CDCA2: variants seen among roughly 807,000 people sequenced by gnomAD.
CDCA2 encodes cell division cycle-associated protein 2.
In CDCA2, 44 loss-of-function variants were observed where a neutral mutation model predicts 67.0. The observed-to-expected ratio is 0.66, with a 90% confidence interval of 0.52 to 0.84. The LOEUF is 0.84. Among genes scored for constraint, CDCA2 ranks in the 40% least tolerant of loss-of-function variants. CDCA2 has a pLI of 0.00. For missense variants in CDCA2, 1,253 were observed against 1,203.2 expected, an observed-to-expected ratio of 1.04 and a Z score of -0.61; for synonymous variants, 447 against 418.7, an observed-to-expected ratio of 1.07 and a Z score of -0.82.
At chr8:25,475,300 C>T (rs1406089791) in intron 7 of CDCA2, among the ~76,000 whole-genome samples, 1 of 152,130 alleles carries the variant, frequency 6.6e-6, no homozygotes, top group Non-Finnish European at 1.5e-5. Flanking sequence ...GCAGGCAGAT[C>T]ACAAGGTCAG....
At chr8:25,498,427 C>G (rs1199339224) in intron 13 of CDCA2, among the ~76,000 whole-genome samples, 3 of 147,198 alleles carry the variant, frequency 2.0e-5, no homozygotes, top group Admixed American at 6.9e-5. Flanking sequence ...TGGCTGGTCT[C>G]AAACCCCTGT....
rs566071546 is a variant in CDCA2, at chr8:25,466,053, A to T, written c.388-122A>T. ...AGAAGCTCTGCCACACTAACTCCTTACCGCTGATCTTCAAAAAGCATATGT... is the reference window on the plus strand; with the variant it reads ...AGAAGCTCTGCCACACTAACTCCTTTCCGCTGATCTTCAAAAAGCATATGT... On this transcript the variant is annotated intron_variant, in intron 4 of 14. Transcript: ENST00000330560. 31 of 793,262 alleles carry T rather than the reference A, an allele frequency of 3.9e-5. No individual in the cohort carries two copies. The South Asian group carries it at 6.9e-4, about 18-fold the overall frequency. 49.1% of individuals were successfully genotyped at this position (793,262 alleles called of 1,614,324 possible).
chr8:25,489,574 A>G (rs1434702813), intron 13 of CDCA2, among the ~76,000 whole-genome samples: 28 of 152,122 alleles, frequency 1.8e-4, no homozygotes, highest in Non-Finnish European at 4.0e-4. Flanking sequence ...GGATAGTACT[A>G]CTACACATTC....
intron 7 of CDCA2, chr8:25,472,260 T>TC (rs1803186442): frequency 6.6e-6 from 1 of 151,458 alleles, no homozygotes; most frequent in African/African-American, 2.4e-5. Context: ...TTTATTTATT[T>TC]TTTTTTTTTG....
At chr8:25,480,205 A>G (rs1803515746) in intron 8 of CDCA2, 81 bp downstream of exon 8, 2 of 1,130,066 alleles carry the variant, frequency 1.8e-6, no homozygotes, top group South Asian at 3.0e-5. Context: ...AATGTCATAT[A>G]TCATGCTAGT....
At chr8:25,470,096 T>C (rs2117490763) in intron 7 of CDCA2, 116 bp downstream of exon 7, 1 of 637,574 alleles carries the variant, frequency 1.6e-6, no homozygotes, top group South Asian at 2.2e-5. Flanking sequence ...TTTTAGGAGC[T>C]CATGGCCTAG....
intron 13 of CDCA2, among the ~76,000 whole-genome samples, chr8:25,496,775 A>C (rs1447412976): frequency 6.6e-6 from 1 of 152,180 alleles, no homozygotes; most frequent in African/African-American, 2.4e-5. Flanking sequence ...ATATGGAGAA[A>C]AGGGAATCCT....
intron 8 of CDCA2, among the ~76,000 whole-genome samples, chr8:25,482,303 A>G (rs1377032078): frequency 6.6e-6 from 1 of 152,234 alleles, no homozygotes; most frequent in Non-Finnish European, 1.5e-5. Context: ...CCATGTTTAA[A>G]AGACAGAACA....
chr8:25,468,506 A>G, intron 6 of CDCA2, 93 bp downstream of exon 6: 1 of 909,748 alleles, frequency 1.1e-6, no homozygotes. Flanking sequence ...CAATTTTAGT[A>G]CCTTGTTCTG....
intron 7 of CDCA2, among the ~76,000 whole-genome samples, chr8:25,477,795 A>G (rs569831370): frequency 5.4e-4 from 83 of 152,300 alleles, no homozygotes; most frequent in African/African-American, 1.8e-3. Flanking sequence ...ACATAGTCAA[A>G]TAGGTCTTGA....
chr8:25,460,113 A>C, intron 1 of CDCA2, 127 bp from the exon 2 acceptor site: 3 of 839,628 alleles, frequency 3.6e-6, no homozygotes, highest in African/African-American at 1.7e-5. Flanking sequence ...TAAAAAATGA[A>C]ACCTGTGACG....
chr8:25,505,680 CT>C (rs369541594), intron 14 of CDCA2, among the ~76,000 whole-genome samples: 2 of 152,190 alleles, frequency 1.3e-5, no homozygotes, highest in African/African-American at 4.8e-5. Context: ...ATGTTTTATA[CT>C]TTTTTTAGTT....
At chr8:25,488,878 T>C (rs1025550544) in intron 13 of CDCA2, among the ~76,000 whole-genome samples, 189 bp downstream of exon 13, 4 of 152,152 alleles carry the variant, frequency 2.6e-5, no homozygotes, top group Admixed American at 6.6e-5. Context: ...AGGAACACTT[T>C]TGCGTCTTCT....
intron 10 of CDCA2, among the ~76,000 whole-genome samples, 177 bp from the exon 11 acceptor site, chr8:25,485,582 T>C (rs1803743361): frequency 6.6e-6 from 1 of 152,240 alleles, no homozygotes; most frequent in African/African-American, 2.4e-5. Flanking sequence ...ATGGTATACA[T>C]ATATTTTTCT....
intron 4 of CDCA2, among the ~76,000 whole-genome samples, chr8:25,464,305 A>G (rs766020920): frequency 6.6e-6 from 1 of 152,206 alleles, no homozygotes; most frequent in Non-Finnish European, 1.5e-5. Context: ...AGTCCAAGCT[A>G]TTTGAGAGGC....
intron 13 of CDCA2, among the ~76,000 whole-genome samples, chr8:25,492,502 G>GA (rs1804051510): frequency 6.6e-6 from 1 of 151,704 alleles, no homozygotes; most frequent in African/African-American, 2.4e-5. Flanking sequence ...TGTCACATAA[G>GA]AAAAAAACGG....
chr8:25,493,444 C>T (rs1804089596), intron 13 of CDCA2, among the ~76,000 whole-genome samples: 1 of 152,100 alleles, frequency 6.6e-6, no homozygotes. Context: ...TTGAACCATA[C>T]AGCATGGAGC....
intron 8 of CDCA2, among the ~76,000 whole-genome samples, 175 bp downstream of exon 8, chr8:25,480,299 T>G (rs1803519123): frequency 6.6e-6 from 1 of 152,194 alleles, no homozygotes; most frequent in South Asian, 2.1e-4. Context: ...AGTTTCTTTT[T>G]GTTCTTATTT....
rs1468639428 is a variant in CDCA2, at chr8:25,467,065, A to AAAAAAAAAAAC, written c.538+741_538+742insAAAAAAAAACA. On this transcript the variant is annotated intron_variant, in intron 5 of 14. Coordinates refer to ENST00000330560, the MANE Select transcript of CDCA2 (RefSeq NM_152562.4). Reference sequence around the variant, plus strand: ...TCAAAAAAAAAAAAAAAAAAAAAAAAACACACACACACACACAAATATATC... The same window carrying AAAAAAAAAAAC: ...TCAAAAAAAAAAAAAAAAAAAAAAAAAAAAAAAAAACACACACACACACACACAAATATATC... Among the ~76,000 whole-genome samples, 166 of 126,242 alleles carry AAAAAAAAAAAC rather than the reference A, an allele frequency of 1.3e-3. 1 individual carries two copies. The highest frequency in any genetic ancestry group is 5.0e-3 in the African/African-American group (157 of 31,206). 82.8% of individuals were successfully genotyped at this position (126,242 alleles called of 152,430 possible). A position where few individuals can be genotyped will look rare whatever the true frequency, so the allele number is the denominator to read the frequency against.
Sources: allele counts gnomAD v4.1 joint callset (sites outside exome capture counted in the v4.1 genomes callset), GRCh38; gene constraint gnomAD v4.1.1; transcripts MANE v1.5; gene names NCBI Gene and HGNC (gene_info 2026-07-23, HGNC 2026-07-21).